The following POU3F3 variants were observed in gnomAD, a reference collection of about 807,000 sequenced individuals.
POU3F3 encodes POU domain, class 3, transcription factor 3.
A neutral mutation model predicts 8.6 loss-of-function variants in POU3F3; 1 was observed. The observed-to-expected ratio is 0.12, with a 90% CI of 0.04 to 0.55. The LOEUF (loss-of-function observed/expected upper bound fraction) is 0.55. Among genes scored for constraint, POU3F3 ranks in the 20% least tolerant of loss-of-function variants. The pLI is 0.91. For missense variants in POU3F3, 577 were observed against 690.7 expected (o/e 0.84, Z 1.84); for synonymous variants, 418 against 327.4 (o/e 1.28, Z -2.99).
the POU3F3 span, chr2:104,866,039 A>G: frequency 2.0e-5 from 3 of 152,252 alleles, no homozygotes; most frequent in Non-Finnish European, 2.9e-5. Context: ...AAAATCGCTC[A>G]GGCAAGTCTA....
chr2:104,884,608 T>G, the POU3F3 span, among the ~76,000 whole-genome samples: 1 of 152,174 alleles, frequency 6.6e-6, no homozygotes, highest in Non-Finnish European at 1.5e-5. Flanking sequence ...AGGGCACCCA[T>G]GTCTCAGCTG....
the POU3F3 span, among the ~76,000 whole-genome samples, chr2:104,876,922 T>G: frequency 6.6e-6 from 1 of 152,196 alleles, no homozygotes; most frequent in Non-Finnish European, 1.5e-5. Flanking sequence ...GGAAGGGGAT[T>G]GGGAACACCC....
At chr2:104,887,066 T>C in the POU3F3 span, among the ~76,000 whole-genome samples, 1 of 152,190 alleles carries the variant, frequency 6.6e-6, no homozygotes, top group African/African-American at 2.4e-5. Flanking sequence ...TATCTGTGTC[T>C]TCCCTTTTTA....
chr2:104,904,952 C>T, the POU3F3 span, among the ~76,000 whole-genome samples: 3 of 152,128 alleles, frequency 2.0e-5, no homozygotes, highest in Admixed American at 1.3e-4. Context: ...GCTCACGAAA[C>T]ATGTAGGAAA....
At chr2:104,890,219 T>A in the POU3F3 span, among the ~76,000 whole-genome samples, 3,558 of 152,288 alleles carry the variant, frequency 0.023, 65 homozygotes, top group Middle Eastern at 0.061. Flanking sequence ...GCCTGGCCTC[T>A]CCTGTTCCTG....
the POU3F3 span, among the ~76,000 whole-genome samples, chr2:104,863,814 C>A: frequency 3.3e-5 from 5 of 152,174 alleles, no homozygotes; most frequent in Non-Finnish European, 1.5e-5. Context: ...TCCCCATGTG[C>A]GGGCAGAAGA....
At chr2:104,873,614 T>G in the POU3F3 span, among the ~76,000 whole-genome samples, 1 of 152,202 alleles carries the variant, frequency 6.6e-6, no homozygotes. Context: ...TTAGAAAGTC[T>G]TGGGCGCCAT....
the POU3F3 span, among the ~76,000 whole-genome samples, chr2:104,898,884 A>T: frequency 6.3e-3 from 955 of 152,214 alleles, 13 homozygotes; most frequent in African/African-American, 0.021. Flanking sequence ...CATTTTTTTT[A>T]CCTGTTAAAT....
At chr2:104,884,459 T>C in the POU3F3 span, among the ~76,000 whole-genome samples, 2 of 152,108 alleles carry the variant, frequency 1.3e-5, no homozygotes, top group South Asian at 2.1e-4. Context: ...AACTAATGGC[T>C]GTATATCAAT....
the POU3F3 span, among the ~76,000 whole-genome samples, chr2:104,909,225 C>T: frequency 6.6e-6 from 1 of 152,170 alleles, no homozygotes; most frequent in Non-Finnish European, 1.5e-5. Context: ...ACCCCAGGGC[C>T]TTAGTCGGCT....
chr2:104,882,243 ATTT>A, the POU3F3 span, among the ~76,000 whole-genome samples: 16 of 111,262 alleles, frequency 1.4e-4, no homozygotes, highest in Non-Finnish European at 1.4e-4. Flanking sequence ...GAAAACCTGA[ATTT>A]TTTTTTTTTT....
At chr2:104,877,430 A>C in the POU3F3 span, among the ~76,000 whole-genome samples, 2 of 152,122 alleles carry the variant, frequency 1.3e-5, no homozygotes, top group African/African-American at 4.8e-5. Flanking sequence ...AGGACTCTGC[A>C]GTTCATTTTG....
the POU3F3 span, among the ~76,000 whole-genome samples, chr2:104,901,386 G>T: frequency 6.6e-6 from 1 of 152,332 alleles, no homozygotes; most frequent in Admixed American, 6.5e-5. Context: ...TGGGCCTAAT[G>T]AATCAATTTG....
chr2:104,906,762 T>G, the POU3F3 span, among the ~76,000 whole-genome samples: 1 of 152,198 alleles, frequency 6.6e-6, no homozygotes, highest in African/African-American at 2.4e-5. Flanking sequence ...TTTTTGTTTG[T>G]TTTTCTATTG....
chr2:104,853,547 A>T (rs931155749), upstream of POU3F3: 1 of 152,592 alleles, frequency 6.6e-6, no homozygotes, highest in Non-Finnish European at 1.5e-5. Flanking sequence ...CTTTGAAACC[A>T]CTGGGGACAC....
chr2:104,870,511 G>A, the POU3F3 span, among the ~76,000 whole-genome samples: 6 of 152,216 alleles, frequency 3.9e-5, no homozygotes, highest in Non-Finnish European at 8.8e-5. Context: ...TACCTAGGAG[G>A]AAGGTGAAGG....
chr2:104,920,145 C>A, the POU3F3 span, among the ~76,000 whole-genome samples: 1 of 152,166 alleles, frequency 6.6e-6, no homozygotes, highest in African/African-American at 2.4e-5. Context: ...CACCCGAGCA[C>A]CTGGAATTAC....
chr2:104,899,165 G>T, the POU3F3 span, among the ~76,000 whole-genome samples: 1 of 152,132 alleles, frequency 6.6e-6, no homozygotes, highest in Admixed American at 6.5e-5. Flanking sequence ...TCCCTGACAC[G>T]GGAAAATTCA....
At chr2:104,859,394 C>T (rs1676629745), downstream of POU3F3, among the ~76,000 whole-genome samples, 1 of 152,188 alleles carries the variant, frequency 6.6e-6, no homozygotes, top group African/African-American at 2.4e-5. Flanking sequence ...TGTAATGCCT[C>T]AGGTTGTGAG....
Sources: gnomAD v4.1 joint callset for allele counts (sites outside exome capture counted in the v4.1 genomes callset) on GRCh38, gnomAD v4.1.1 for gene constraint, MANE v1.5 for transcripts, NCBI Gene and HGNC (gene_info 2026-07-23, HGNC 2026-07-21) for gene names.